The following SLC30A9 variants were observed in gnomAD, a reference collection of about 807,000 sequenced individuals.
The protein encoded by SLC30A9 is solute carrier family 30 member 9, also known as proton-coupled zinc antiporter SLC30A9, mitochondrial.
Under a neutral mutation model 87.5 loss-of-function variants are expected in SLC30A9, and 58 were observed. That is an observed-to-expected ratio of 0.66 (90% CI 0.54 to 0.82). The LOEUF is 0.82. SLC30A9 is among the 40% of genes least tolerant of loss of function. The pLI is 0.00. For synonymous variants in SLC30A9, 234 were observed against 233.0 expected, an observed-to-expected ratio of 1.00 and a Z score of -0.04; for missense variants, 557 against 679.1, an observed-to-expected ratio of 0.82 and a Z score of 2.00.
chr4:42,066,374 T>G (rs948661536), intron 12 of SLC30A9, among the ~76,000 whole-genome samples, 176 bp from the exon 13 acceptor site: 3 of 152,212 alleles, frequency 2.0e-5, no homozygotes, highest in Non-Finnish European at 4.4e-5. Flanking sequence ...TTTAGAACTA[T>G]GGGGTTCATT....
chr4:42,075,749 C>A lies in SLC30A9; in HGVS notation c.1511C>A (p.Ser504Ter). The change falls in exon 16 of 18, where the codon TCA becomes TAA. Residue 504 changes from serine to a stop codon, truncating the protein, a stop_gained. Transcript: ENST00000264451. LOFTEE classifies it high-confidence loss of function. ...TTTGATGGGCGAGTTGTTACAAGAT[C>A]ATATTTGGAAAAACAAGATTTTGAC... is the stretch of plus-strand genomic sequence containing the variant. ...VDFDGRVVTRSYLEKQDFDQM... is the reference protein window; with the variant it reads ...VDFDGRVVTR The A allele has an allele frequency of 6.2e-7, 1 of 1,611,596 alleles. No homozygotes were observed. Among genetic ancestry groups the A allele is most frequent in the South Asian group, 1.1e-5 (1 of 90,924 alleles).
intron 8 of SLC30A9, among the ~76,000 whole-genome samples, chr4:42,040,396 G>A (rs755371912): frequency 1.2e-4 from 18 of 152,134 alleles, no homozygotes; most frequent in Non-Finnish European, 2.2e-4. Flanking sequence ...AAGCTCAGGA[G>A]AGAAATCTGA....
intron 15 of SLC30A9, 21 bp downstream of exon 15, chr4:42,070,712 C>T: frequency 3.8e-6 from 6 of 1,580,934 alleles, no homozygotes; most frequent in Non-Finnish European, 5.2e-6. Flanking sequence ...TTCCAGTAAT[C>T]CTGTTAAGGC....
At chr4:42,024,010 G>C (rs1716086624) in intron 6 of SLC30A9, among the ~76,000 whole-genome samples, 1 of 152,188 alleles carries the variant, frequency 6.6e-6, no homozygotes, top group Admixed American at 6.5e-5. Flanking sequence ...CTCGGCACAT[G>C]GGGATTATGG....
At position 42,088,379 on chromosome 4, in the gene SLC30A9, T is replaced by C. The variant is rs1343793514; in HGVS notation, c.*2253T>C. ...GGGCAACACAGCGAGACCTCATCTC[T>C]ACTAAAAAAAGTTAGCCGGGTGTGG... is the stretch of plus-strand genomic sequence containing the variant. On this transcript the variant is annotated 3_prime_UTR_variant, in exon 18 of 18. Transcript: ENST00000264451. 1.3e-5 allele frequency: 2 copies of C among 152,352 alleles called. No homozygotes were observed. Among genetic ancestry groups the C allele is most frequent in the East Asian group, 3.8e-4 (2 of 5,200 alleles). The allele number at this position is 152,352 out of a possible 1,614,324, so 9.4% of individuals were successfully genotyped here. A position where few individuals can be genotyped will look rare whatever the true frequency, so the allele number is the denominator to read the frequency against.
chr4:42,078,043 G>A (rs1446133331), intron 16 of SLC30A9, among the ~76,000 whole-genome samples, 169 bp from the exon 17 acceptor site: 1 of 151,712 alleles, frequency 6.6e-6, no homozygotes, highest in East Asian at 1.9e-4. Context: ...CAGTTTTCTT[G>A]ATCCGAATTG....
At position 41,996,391 on chromosome 4, in the gene SLC30A9, C is replaced by T. The variant is rs528834420; in HGVS notation, c.110-5225C>T. Among the ~76,000 whole-genome samples, 13 of 152,112 alleles carry T rather than the reference C, an allele frequency of 8.5e-5. No homozygotes were observed. In the South Asian group the frequency reaches 2.7e-3, roughly 32 times the overall value. ...TACAGGCGTGAGCCACTGCACCTGG[C>T]CGAAATTTGAGTATTTTAAGCCATA... On this transcript the variant is annotated intron_variant, in intron 1 of 17. Transcript: ENST00000264451.
intron 10 of SLC30A9, among the ~76,000 whole-genome samples, chr4:42,060,778 A>G (rs1304690639): frequency 4.6e-5 from 7 of 152,188 alleles, no homozygotes; most frequent in African/African-American, 1.7e-4. Context: ...TTCTATTAAC[A>G]TAACCATCTA....
intron 1 of SLC30A9, among the ~76,000 whole-genome samples, chr4:41,998,462 C>CTTTTTTTTTTTTTTTTTTTTTTT (rs34295020): frequency 6.9e-6 from 1 of 144,950 alleles, no homozygotes. Flanking sequence ...TTCAGTAATT[C>CTTTTTTTTTTTTTTTTTTTTTTT]TTTTTTTTTG....
intron 2 of SLC30A9, among the ~76,000 whole-genome samples, chr4:42,006,216 G>C (rs1715193684): frequency 2.0e-5 from 3 of 152,192 alleles, no homozygotes; most frequent in African/African-American, 4.8e-5. Flanking sequence ...ATGGATTTTG[G>C]TATCTACAGG....
chr4:42,073,671 C>T (rs576635841), intron 15 of SLC30A9, among the ~76,000 whole-genome samples: 16 of 152,194 alleles, frequency 1.1e-4, no homozygotes, highest in African/African-American at 3.1e-4. Context: ...CATGATTGTT[C>T]GCAAGATTTA....
At chr4:42,010,960 A>G (rs922737061) in intron 2 of SLC30A9, among the ~76,000 whole-genome samples, 5 of 152,102 alleles carry the variant, frequency 3.3e-5, no homozygotes, top group African/African-American at 9.7e-5. Flanking sequence ...CAGACTCACT[A>G]TTTGAACTTA....
chr4:42,000,010 G>C (rs898024054), intron 1 of SLC30A9, among the ~76,000 whole-genome samples: 18 of 152,058 alleles, frequency 1.2e-4, no homozygotes, highest in African/African-American at 4.3e-4. Flanking sequence ...GATCATTGTT[G>C]AAAGTAGGCA....
At chr4:42,014,581 T>A (rs1331772497) in intron 2 of SLC30A9, among the ~76,000 whole-genome samples, 1 of 150,452 alleles carries the variant, frequency 6.6e-6, no homozygotes, top group Non-Finnish European at 1.5e-5. Context: ...GAAATCGGTA[T>A]ATCAGAAGAG....
intron 6 of SLC30A9, among the ~76,000 whole-genome samples, chr4:42,032,209 T>C (rs1366041690): frequency 6.6e-6 from 1 of 150,738 alleles, no homozygotes; most frequent in African/African-American, 2.4e-5. Flanking sequence ...ATGACCCAGT[T>C]ACCCCCCCAC....
At chr4:42,074,125 C>G (rs186098745) in intron 15 of SLC30A9, among the ~76,000 whole-genome samples, 1 of 151,982 alleles carries the variant, frequency 6.6e-6, no homozygotes, top group East Asian at 1.9e-4. Flanking sequence ...AATGATATAG[C>G]CTTTTGCCAA....
At chr4:42,034,849 T>G (rs1716613652) in intron 6 of SLC30A9, among the ~76,000 whole-genome samples, 1 of 152,224 alleles carries the variant, frequency 6.6e-6, no homozygotes, top group African/African-American at 2.4e-5. Flanking sequence ...TTTAGGAACC[T>G]TCATATTTTT....
chr4:42,011,177 A>T (rs896600342), intron 2 of SLC30A9, among the ~76,000 whole-genome samples: 4 of 152,204 alleles, frequency 2.6e-5, no homozygotes, highest in African/African-American at 7.2e-5. Flanking sequence ...ATGACTGGAG[A>T]GGCCTCATGT....
rs1718979309 is a variant in SLC30A9 at position 42,087,890 on chromosome 4, A to T, written c.*1764A>T. 1 of 151,766 alleles carries T rather than the reference A, an allele frequency of 6.6e-6. No individual in the cohort carries two copies. The highest frequency in any genetic ancestry group is 1.5e-5 in the Non-Finnish European group (1 of 67,980). The allele number at this position is 151,766 out of a possible 1,614,324, so 9.4% of individuals were successfully genotyped here. A position where few individuals can be genotyped will look rare whatever the true frequency, so the allele number is the denominator to read the frequency against. On this transcript the variant is annotated 3_prime_UTR_variant, in exon 18 of 18. Transcript: ENST00000264451. ...TTATATCCAGTTTCCTCCTAGTGAT[A>T]TTACTCTGAAAAATTTCACAAAGCC...
Sources: allele counts gnomAD v4.1 joint callset (sites outside exome capture counted in the v4.1 genomes callset), GRCh38; gene constraint gnomAD v4.1.1; transcripts MANE v1.5; gene names NCBI Gene and HGNC (gene_info 2026-07-23, HGNC 2026-07-21).